MAP2K5: variants seen among roughly 807,000 people sequenced by gnomAD.
MAP2K5 encodes dual specificity mitogen-activated protein kinase kinase 5.
In MAP2K5, 49 loss-of-function variants were observed where a neutral mutation model predicts 83.1. The observed-to-expected ratio is 0.59, with a 90% confidence interval of 0.47 to 0.75. The LOEUF (loss-of-function observed/expected upper bound fraction) is 0.75, where lower values mean the gene tolerates loss of function less well. Ranked by LOEUF, MAP2K5 falls within the 30% of genes least tolerant of loss-of-function variation. The probability of loss-of-function intolerance (pLI) is 0.00; values close to 1 mark genes in which losing one functional copy is unlikely to be tolerated. For missense variants in MAP2K5, 457 were observed against 557.5 expected, an observed-to-expected ratio of 0.82 and a Z score of 1.82; for synonymous variants, 202 against 191.8, an observed-to-expected ratio of 1.05 and a Z score of -0.44.
intron 16 of MAP2K5, among the ~76,000 whole-genome samples, chr15:67,704,089 A>T (rs973033042): frequency 6.6e-6 from 1 of 152,120 alleles, no homozygotes; most frequent in Non-Finnish European, 1.5e-5. Context: ...ACTCTATGCT[A>T]TGTTTTTTTT....
chr15:67,554,719 T>G (rs1450778844), intron 2 of MAP2K5, among the ~76,000 whole-genome samples: 2 of 152,194 alleles, frequency 1.3e-5, no homozygotes, highest in East Asian at 3.8e-4. Context: ...CACTTAGTGA[T>G]AGGTACGATG....
Position 67,708,893 on chromosome 15 carries a change from C to A in MAP2K5, c.1044+5485C>A, listed in dbSNP as rs1257491931. 6.6e-6 allele frequency among the ~76,000 whole-genome samples: 1 copy of A among 152,144 alleles called. No homozygotes were observed. Among genetic ancestry groups the A allele is most frequent in the African/African-American group, 2.4e-5 (1 of 41,428 alleles). ...CTTTTATCCAGGGACAGAATCGCTTCTCTCTCCTTTCAGTACAGTATCCCT... is the reference window on the plus strand; with the variant it reads ...CTTTTATCCAGGGACAGAATCGCTTATCTCTCCTTTCAGTACAGTATCCCT... On this transcript the variant is annotated intron_variant, in intron 16 of 21. Transcript: ENST00000178640. This position sits in a 1 kb window ranked among gnomAD's most constrained non-coding sequence, Gnocchi z 4.9.
At chr15:67,704,553 A>G (rs1440307141) in intron 16 of MAP2K5, among the ~76,000 whole-genome samples, 4 of 152,240 alleles carry the variant, frequency 2.6e-5, no homozygotes, top group Admixed American at 2.6e-4. Flanking sequence ...TTCAAACTCA[A>G]TTCACCTGCA....
intron 3 of MAP2K5, among the ~76,000 whole-genome samples, chr15:67,567,879 T>A (rs766462973): frequency 6.6e-6 from 1 of 152,196 alleles, no homozygotes; most frequent in Non-Finnish European, 1.5e-5. Flanking sequence ...TTGTGTTTGT[T>A]GTCTGGTAGT....
Position 67,806,988 on chromosome 15 carries a change from G to T in MAP2K5, c.*238G>T. ...CGCTGACACTGGCAGAGAGGTAAAG[G>T]GTGGGGCATTGAGAATGGAGGCTCC... On this transcript the variant is annotated 3_prime_UTR_variant, in exon 22 of 22. Transcript: ENST00000178640. The T allele has an allele frequency of 6.7e-7, 1 of 1,491,762 alleles. No homozygotes were observed. The highest frequency in any genetic ancestry group is 8.9e-7 in the Non-Finnish European group (1 of 1,122,836). The allele number at this position is 1,491,762 out of a possible 1,614,324, so 92.4% of individuals were successfully genotyped here.
intron 21 of MAP2K5, among the ~76,000 whole-genome samples, chr15:67,805,213 T>G (rs1380621001): frequency 2.6e-5 from 4 of 152,208 alleles, no homozygotes; most frequent in Non-Finnish European, 4.4e-5. Context: ...GCCTCTGAGA[T>G]AGACCCACGC....
At position 67,595,648 on chromosome 15, in the gene MAP2K5, A is replaced by G. The variant is rs189531471; in HGVS notation, c.480+2674A>G. Among the ~76,000 whole-genome samples, 484 of 152,348 alleles carry G rather than the reference A, an allele frequency of 3.2e-3. 15 individuals carry two copies. Among genetic ancestry groups the G allele is most frequent in the East Asian group, 7.7e-4 (4 of 5,190 alleles). On this transcript the variant is annotated intron_variant, in intron 7 of 21. Coordinates refer to ENST00000178640, the MANE Select transcript of MAP2K5 (RefSeq NM_145160.3). ...AATATATTAAATCAAGCACTTTAAA[A>G]AAAGTTTAACACTTAGTCTTTGGAA...
At chr15:67,642,434 C>A in intron 9 of MAP2K5, 1 of 1,611,028 alleles carries the variant, frequency 6.2e-7, no homozygotes. Context: ...GGGATGCATG[C>A]TCAAGGCAGA....
At chr15:67,735,679 A>G (rs1206620112) in intron 17 of MAP2K5, among the ~76,000 whole-genome samples, 2 of 152,236 alleles carry the variant, frequency 1.3e-5, no homozygotes, top group African/African-American at 2.4e-5. Context: ...AGGGTTTCAC[A>G]GAGTAGATAG....
intron 8 of MAP2K5, among the ~76,000 whole-genome samples, chr15:67,616,235 T>C (rs971641477): frequency 2.6e-5 from 4 of 152,186 alleles, no homozygotes; most frequent in African/African-American, 9.7e-5. Context: ...TCTGTAAGTA[T>C]AGAAACTGAT....
chr15:67,733,521 C>G (rs1206983362), intron 17 of MAP2K5, among the ~76,000 whole-genome samples: 1 of 151,992 alleles, frequency 6.6e-6, no homozygotes, highest in Non-Finnish European at 1.5e-5. Context: ...AAAAAAAATA[C>G]CATCATCTGG....
intron 11 of MAP2K5, among the ~76,000 whole-genome samples, chr15:67,646,684 T>C (rs1446775933): frequency 6.6e-6 from 1 of 152,194 alleles, no homozygotes; most frequent in Non-Finnish European, 1.5e-5. Flanking sequence ...TTCACTTTTA[T>C]TGAAAATTTA....
At chr15:67,725,988 A>G (rs534072758) in intron 16 of MAP2K5, among the ~76,000 whole-genome samples, 17 of 152,228 alleles carry the variant, frequency 1.1e-4, no homozygotes, top group African/African-American at 2.4e-4. Flanking sequence ...AAAACTTCGA[A>G]AGGGAGTTTG....
chr15:67,558,532 C>T (rs1693174889), intron 2 of MAP2K5, among the ~76,000 whole-genome samples: 2 of 152,198 alleles, frequency 1.3e-5, no homozygotes, highest in African/African-American at 4.8e-5. Context: ...GCTCACAACC[C>T]TCCAGTGATT....
At position 67,783,276 on chromosome 15, in the gene MAP2K5, T is replaced by C. The variant is rs193028708; in HGVS notation, c.1242+10524T>C. 7.9e-5 allele frequency among the ~76,000 whole-genome samples: 12 copies of C among 152,220 alleles called. 1 individual carries two copies. In the East Asian group the frequency reaches 2.3e-3, roughly 30 times the overall value. On this transcript the variant is annotated intron_variant, in intron 21 of 21. Transcript: ENST00000178640. The surrounding 1 kb of genome is among the most constrained non-coding windows in gnomAD (Gnocchi z 5.1). ...AGACACAGCCAAGCACAGGATAGAA[T>C]GTGAGAATTGCCAGAGACCCCCGCT...
In MAP2K5 at chr15:67,786,289, G is replaced by A. The variant is rs1179050920; in HGVS notation, c.1242+13537G>A. 6.6e-6 allele frequency among the ~76,000 whole-genome samples: 1 copy of A among 152,090 alleles called. No homozygotes were observed. Among genetic ancestry groups the A allele is most frequent in the Non-Finnish European group, 1.5e-5 (1 of 68,002 alleles). The stretch of plus-strand genomic sequence containing the variant: ...GTAGTCTCTTGGGGTGGTCTCTGTG[G>A]TTGAAAATCCAAACAAGATGAAGCA... On this transcript the variant is annotated intron_variant, in intron 21 of 21. Transcript: ENST00000178640. This position sits in a 1 kb window ranked among gnomAD's most constrained non-coding sequence, Gnocchi z 4.7.
intron 21 of MAP2K5, among the ~76,000 whole-genome samples, chr15:67,789,744 ATTT>A (rs2090482558): frequency 6.6e-6 from 1 of 151,928 alleles, no homozygotes; most frequent in South Asian, 2.1e-4. Flanking sequence ...AATCATTTTA[ATTT>A]ATGTTTATTT....
chr15:67,605,379 T>A (rs1218859798), intron 8 of MAP2K5, among the ~76,000 whole-genome samples: 1 of 152,172 alleles, frequency 6.6e-6, no homozygotes, highest in Non-Finnish European at 1.5e-5. Flanking sequence ...TTGATAAACA[T>A]CTCACAGAAT....
chr15:67,645,232 CTTTG>C (rs1405014483), intron 9 of MAP2K5, among the ~76,000 whole-genome samples: 1 of 151,748 alleles, frequency 6.6e-6, no homozygotes, highest in African/African-American at 2.4e-5. Context: ...AATCCCAGTG[CTTTG>C]GGAGGCTGAG....
Sources: gnomAD v4.1 joint callset for allele counts (sites outside exome capture counted in the v4.1 genomes callset) on GRCh38, gnomAD v4.1.1 for gene constraint, Gnocchi (gnomAD v3.1) non-coding constraint, MANE v1.5 for transcripts, NCBI Gene and HGNC (gene_info 2026-07-23, HGNC 2026-07-21) for gene names.